CD53: variants seen among roughly 807,000 people sequenced by gnomAD.
The protein encoded by CD53 is leukocyte surface antigen CD53.
Under a neutral mutation model 27.3 loss-of-function variants are expected in CD53, and 20 were observed. The observed-to-expected ratio is 0.73, with a 90% CI of 0.52 to 1.07. CD53 has a LOEUF of 1.07. Ranked by LOEUF, CD53 falls within the 50% of genes least tolerant of loss-of-function variation. The probability of loss-of-function intolerance (pLI) is 0.00; values close to 1 mark genes in which losing one functional copy is unlikely to be tolerated. For missense variants in CD53, 216 were observed against 264.0 expected (o/e 0.82, Z 1.26); for synonymous variants, 106 against 105.3 (o/e 1.01, Z -0.04).
intron 1 of CD53, among the ~76,000 whole-genome samples, chr1:110,883,991 T>A (rs1006956655): frequency 2.6e-5 from 4 of 152,004 alleles, no homozygotes; most frequent in African/African-American, 9.7e-5. Context: ...GTGGGGTTTT[T>A]AAAATTGTTC....
intron 3 of CD53, 49 bp from the exon 4 acceptor site, chr1:110,894,278 G>A: frequency 1.3e-6 from 2 of 1,535,444 alleles, no homozygotes; most frequent in Non-Finnish European, 1.8e-6. Flanking sequence ...AGTGGGAGTG[G>A]GACGAGAATG....
At chr1:110,898,632 G>C (rs978234801) in intron 7 of CD53, among the ~76,000 whole-genome samples, 1 of 152,008 alleles carries the variant, frequency 6.6e-6, no homozygotes, top group Non-Finnish European at 1.5e-5. Flanking sequence ...AGTGATGGGT[G>C]AATTGAGGGT....
chr1:110,886,869 A>ATATATTTT (rs1298376721), intron 1 of CD53, among the ~76,000 whole-genome samples: 1,229 of 82,678 alleles, frequency 0.015, 11 homozygotes, highest in Non-Finnish European at 0.023. Context: ...ATATATATAT[A>ATATATTTT]TTTTTTTTTT....
chr1:110,897,601 G>GTAATGA (rs1657121292), intron 6 of CD53: 1 of 461,982 alleles, frequency 2.2e-6, no homozygotes. Context: ...AGTTACCACT[G>GTAATGA]TAATGATAAC....
intron 7 of CD53, among the ~76,000 whole-genome samples, 197 bp downstream of exon 7, chr1:110,898,089 A>G (rs755524217): frequency 2.6e-5 from 4 of 152,184 alleles, no homozygotes; most frequent in Non-Finnish European, 4.4e-5. Context: ...CTATAAGAAC[A>G]TCTCTTGGCC....
At chr1:110,879,767 T>C (rs1482350642) in intron 1 of CD53, among the ~76,000 whole-genome samples, 9 of 152,154 alleles carry the variant, frequency 5.9e-5, no homozygotes, top group Admixed American at 5.9e-4. Flanking sequence ...AGGGTCTCTC[T>C]ATGTTGTTCA....
Position 110,892,548 on chromosome 1 carries a change from C to A in CD53, c.252+15C>A. The A allele has an allele frequency of 6.2e-7, 1 of 1,600,520 alleles. No homozygotes were observed. Among genetic ancestry groups the A allele is most frequent in the Non-Finnish European group, 8.5e-7 (1 of 1,170,000 alleles). ...TGCTTATGTCGGTGAGTCCTTACAG[C>A]AGATGTGGTGCCCCAAGTCGGGGAG... On this transcript the variant is annotated intron_variant, in intron 3 of 7. Transcript: ENST00000271324.
At chr1:110,889,428 G>A (rs1006579504) in intron 1 of CD53, among the ~76,000 whole-genome samples, 4 of 152,104 alleles carry the variant, frequency 2.6e-5, no homozygotes, top group African/African-American at 4.8e-5. Context: ...GCGTGGTGAC[G>A]GGCGCCTGTA....
rs913397773 is a variant in CD53 at position 110,894,889 on chromosome 1, C to T, written c.328-71C>T. ...GCGCAAGTGGAACCACTAACCTATACTGGAAATTCCTTATTCCTTGAACTC... is the reference window on the plus strand; with the variant it reads ...GCGCAAGTGGAACCACTAACCTATATTGGAAATTCCTTATTCCTTGAACTC... On this transcript the variant is annotated intron_variant, in intron 4 of 7. Transcript: ENST00000271324. 7.6e-6 allele frequency: 9 copies of T among 1,184,282 alleles called. No homozygotes were observed. In the African/African-American group the frequency reaches 9.0e-5, roughly 12 times the overall value. 73.4% of individuals were successfully genotyped at this position (1,184,282 alleles called of 1,614,324 possible). A position where few individuals can be genotyped will look rare whatever the true frequency, so the allele number is the denominator to read the frequency against.
At chr1:110,891,260 G>A in intron 1 of CD53, 132 bp from the exon 2 acceptor site, 1 of 663,638 alleles carries the variant, frequency 1.5e-6, no homozygotes. Context: ...CGCAGAGTTT[G>A]GGGAAACTTT....
intron 1 of CD53, among the ~76,000 whole-genome samples, chr1:110,888,490 A>G (rs1178992670): frequency 2.0e-5 from 3 of 152,120 alleles, no homozygotes; most frequent in African/African-American, 7.2e-5. Flanking sequence ...CGTGCCCTTC[A>G]TTGTCTCACA....
chr1:110,893,466 T>A (rs1221222011), intron 3 of CD53, among the ~76,000 whole-genome samples: 1 of 152,024 alleles, frequency 6.6e-6, no homozygotes, highest in Non-Finnish European at 1.5e-5. Flanking sequence ...GGGATTACAG[T>A]CATGCGCCAC....
In CD53 at chr1:110,896,852, AAGAG is replaced by A. The variant is rs1178856182; in HGVS notation, c.504+122_504+125del. 6.0e-6 allele frequency: 5 copies of A among 830,736 alleles called. No homozygotes were observed. The African/African-American group carries it at 8.5e-5, about 14-fold the overall frequency. The allele number at this position is 830,736 out of a possible 1,614,324, so 51.5% of individuals were successfully genotyped here. A position where few individuals can be genotyped will look rare whatever the true frequency, so the allele number is the denominator to read the frequency against. On this transcript the variant is annotated intron_variant, in intron 6 of 7. Transcript: ENST00000271324. ...TTGAGAAACAGGGGACCTTGAATAA[AAGAG>A]AGGCCAGGGCAACAACCTTGGGTAA...
intron 1 of CD53, among the ~76,000 whole-genome samples, chr1:110,878,708 A>ACTTC (rs1656222648): frequency 6.6e-6 from 1 of 152,222 alleles, no homozygotes; most frequent in African/African-American, 2.4e-5. Flanking sequence ...TCTACCAAAC[A>ACTTC]CTTCCATTCA....
At chr1:110,889,203 A>G (rs1018164711) in intron 1 of CD53, among the ~76,000 whole-genome samples, 1 of 152,154 alleles carries the variant, frequency 6.6e-6, no homozygotes, top group African/African-American at 2.4e-5. Flanking sequence ...TGATACTGAT[A>G]AAGGGCTGGG....
intron 1 of CD53, among the ~76,000 whole-genome samples, chr1:110,890,881 A>T (rs1276303587): frequency 1.3e-5 from 2 of 152,248 alleles, no homozygotes; most frequent in African/African-American, 2.4e-5. Context: ...GCAATAAAAG[A>T]ATAAATGAGG....
chr1:110,888,039 G>A (rs578218694), intron 1 of CD53, among the ~76,000 whole-genome samples: 56 of 152,274 alleles, frequency 3.7e-4, no homozygotes, highest in African/African-American at 1.3e-3. Context: ...CAGATGTGAT[G>A]ACAAAAGCAA....
chr1:110,883,979 T>C (rs1399585011), intron 1 of CD53, among the ~76,000 whole-genome samples: 1 of 152,000 alleles, frequency 6.6e-6, no homozygotes, highest in African/African-American at 2.4e-5. Context: ...GAGCCAACTT[T>C]TGTGGGGTTT....
At chr1:110,893,647 G>C (rs1656944292) in intron 3 of CD53, among the ~76,000 whole-genome samples, 1 of 152,208 alleles carries the variant, frequency 6.6e-6, no homozygotes, top group African/African-American at 2.4e-5. Flanking sequence ...TTAAACTGGA[G>C]CCAAGAGAAA....
Sources: allele counts gnomAD v4.1 joint callset (sites outside exome capture counted in the v4.1 genomes callset), GRCh38; gene constraint gnomAD v4.1.1; transcripts MANE v1.5; gene names NCBI Gene and HGNC (gene_info 2026-07-23, HGNC 2026-07-21).